SSBP3: variants seen among roughly 807,000 people sequenced by gnomAD.
SSBP3 encodes the protein single-stranded DNA-binding protein 3.
Under a neutral mutation model 69.6 loss-of-function variants are expected in SSBP3, and 5 were observed. That is an observed-to-expected ratio of 0.07 (90% CI 0.04 to 0.15). The LOEUF (loss-of-function observed/expected upper bound fraction) is 0.15, where lower values mean the gene tolerates loss of function less well. Among genes scored for constraint, SSBP3 ranks in the 10% least tolerant of loss-of-function variants. The pLI, the probability that SSBP3 is intolerant of heterozygous loss-of-function variation, is 1.00. For missense variants in SSBP3, 312 were observed against 534.0 expected (o/e 0.58, Z 4.10); for synonymous variants, 196 against 193.4 (o/e 1.01, Z -0.11).
intron 4 of SSBP3, among the ~76,000 whole-genome samples, chr1:54,385,796 A>C (rs1226980286): frequency 6.6e-6 from 1 of 152,304 alleles, no homozygotes; most frequent in African/African-American, 2.4e-5. Flanking sequence ...AAGGACACTG[A>C]GGCTCAGAGG....
At chr1:54,249,187 A>C (rs1644783721) in intron 9 of SSBP3, among the ~76,000 whole-genome samples, 1 of 152,238 alleles carries the variant, frequency 6.6e-6, no homozygotes, top group African/African-American at 2.4e-5. Flanking sequence ...GCTCTCAAAT[A>C]GCCTGACATC....
At chr1:54,322,618 A>G (rs570876315) in intron 4 of SSBP3, among the ~76,000 whole-genome samples, 1 of 151,932 alleles carries the variant, frequency 6.6e-6, no homozygotes, top group South Asian at 2.1e-4. Context: ...TGCTAAAGAG[A>G]TGTAGGAAGC....
At chr1:54,311,678 G>A (rs1197481011) in intron 4 of SSBP3, among the ~76,000 whole-genome samples, 3 of 152,158 alleles carry the variant, frequency 2.0e-5, no homozygotes, top group African/African-American at 7.2e-5. Flanking sequence ...AGGGCAGCCT[G>A]ACCACACTGA....
intron 4 of SSBP3, among the ~76,000 whole-genome samples, chr1:54,343,723 A>C (rs557937088): frequency 6.6e-6 from 1 of 152,322 alleles, no homozygotes; most frequent in Non-Finnish European, 1.5e-5. Context: ...GCTTCATATA[A>C]CTATATCTAC....
intron 4 of SSBP3, among the ~76,000 whole-genome samples, chr1:54,285,190 C>T (rs1001112363): frequency 9.9e-5 from 15 of 152,116 alleles, no homozygotes; most frequent in African/African-American, 3.1e-4. Flanking sequence ...CAAACATGTG[C>T]TCATAACAAA....
chr1:54,226,366 G>A (rs1644285015), exon 18 of SSBP3: 1 of 153,130 alleles, frequency 6.5e-6, no homozygotes. Context: ...TGGGTTCTGG[G>A]GTCCAAGCGT....
chr1:54,403,315 T>A (rs1399489009), intron 3 of SSBP3, among the ~76,000 whole-genome samples: 5 of 152,166 alleles, frequency 3.3e-5, no homozygotes. Context: ...ACTGTACACA[T>A]CTGCTTACCT....
intron 4 of SSBP3, among the ~76,000 whole-genome samples, chr1:54,322,232 G>A (rs1252195483): frequency 1.3e-5 from 2 of 152,216 alleles, no homozygotes; most frequent in Non-Finnish European, 2.9e-5. Flanking sequence ...GAATCAGGCA[G>A]TAAACAGGGC....
intron 4 of SSBP3, among the ~76,000 whole-genome samples, chr1:54,319,902 A>G (rs969082497): frequency 2.6e-5 from 4 of 152,128 alleles, no homozygotes; most frequent in Non-Finnish European, 5.9e-5. Flanking sequence ...CACAAAGACT[A>G]ATGCTGGAGA....
chr1:54,337,070 C>T (rs543963176), intron 4 of SSBP3, among the ~76,000 whole-genome samples: 1 of 152,248 alleles, frequency 6.6e-6, no homozygotes, highest in Non-Finnish European at 1.5e-5. Context: ...GCAAAGTGCG[C>T]TGCCGCAGGT....
chr1:54,234,998 C>T (rs1257968816), intron 14 of SSBP3, among the ~76,000 whole-genome samples: 2 of 152,216 alleles, frequency 1.3e-5, no homozygotes, highest in Non-Finnish European at 2.9e-5. Flanking sequence ...TGACTTGTCA[C>T]TCTGTTTATT....
intron 5 of SSBP3, among the ~76,000 whole-genome samples, chr1:54,263,154 C>T (rs1359691282): frequency 6.6e-6 from 1 of 152,220 alleles, no homozygotes; most frequent in East Asian, 1.9e-4. Flanking sequence ...AGTGTGGACA[C>T]TGATGGTTAG....
At chr1:54,358,665 G>A (rs1420277498) in intron 4 of SSBP3, among the ~76,000 whole-genome samples, 1 of 152,168 alleles carries the variant, frequency 6.6e-6, no homozygotes, top group Non-Finnish European at 1.5e-5. Flanking sequence ...AACACTGGGA[G>A]ACCAGTACCA....
chr1:54,386,683 C>CTTTTTTT lies in SSBP3; in HGVS notation c.276+15171_276+15177dup, dbSNP rs58429798. ...ATCCACAATGTATAAACTGATCCTA[C>CTTTTTTT]TTTTTTTTTTTTTTTTTTTTTAAGA... On this transcript the variant is annotated intron_variant, in intron 4 of 17. Transcript: ENST00000610401. Among the ~76,000 whole-genome samples the CTTTTTTT allele has an allele frequency of 4.1e-3, 315 of 76,078 alleles. 52 individuals carry two copies. Among genetic ancestry groups the CTTTTTTT allele is most frequent in the African/African-American group, 0.012 (169 of 14,574 alleles). The allele number at this position is 76,078 out of a possible 152,430, so 49.9% of individuals were successfully genotyped here. A position where few individuals can be genotyped will look rare whatever the true frequency, so the allele number is the denominator to read the frequency against.
chr1:54,229,102 C>T (rs551232794), intron 14 of SSBP3, among the ~76,000 whole-genome samples: 46 of 152,374 alleles, frequency 3.0e-4, no homozygotes, highest in Non-Finnish European at 5.9e-4. Flanking sequence ...ACCTCTGAAA[C>T]TGAGCCTCTC....
intron 4 of SSBP3, among the ~76,000 whole-genome samples, chr1:54,303,391 G>C (rs1023048150): frequency 6.6e-6 from 1 of 152,126 alleles, no homozygotes; most frequent in Non-Finnish European, 1.5e-5. Context: ...GGGGGCAGGG[G>C]GCAGGCCCTG....
At chr1:54,284,956 C>T (rs540598005) in intron 4 of SSBP3, among the ~76,000 whole-genome samples, 4 of 152,166 alleles carry the variant, frequency 2.6e-5, no homozygotes, top group South Asian at 2.1e-4. Context: ...AGTAAATGCA[C>T]GGTGTAATTC....
intron 4 of SSBP3, among the ~76,000 whole-genome samples, chr1:54,329,184 G>A (rs1057381237): frequency 1.8e-4 from 26 of 146,046 alleles, no homozygotes; most frequent in African/African-American, 6.6e-4. Flanking sequence ...TAGAAGAGGT[G>A]GATAGACCAT....
intron 4 of SSBP3, among the ~76,000 whole-genome samples, chr1:54,380,269 C>T (rs544852415): frequency 1.8e-4 from 28 of 152,292 alleles, no homozygotes; most frequent in Admixed American, 1.7e-3. Context: ...CACACACCCC[C>T]TCCTTTTTCC....
Sources: gnomAD v4.1 joint callset for allele counts (sites outside exome capture counted in the v4.1 genomes callset) on GRCh38, gnomAD v4.1.1 for gene constraint, MANE v1.5 for transcripts, NCBI Gene and HGNC (gene_info 2026-07-23, HGNC 2026-07-21) for gene names.